DLGAP1: variants seen among roughly 807,000 people sequenced by gnomAD.
The protein encoded by DLGAP1 is DLG associated protein 1.
Under a neutral mutation model 90.8 loss-of-function variants are expected in DLGAP1, and 11 were observed. The observed-to-expected ratio is 0.12, with a 90% confidence interval of 0.08 to 0.20. DLGAP1 has a LOEUF of 0.20. Among genes scored for constraint, DLGAP1 ranks in the 10% least tolerant of loss-of-function variants. DLGAP1 has a pLI of 1.00. For synonymous variants in DLGAP1, 558 were observed against 540.7 expected (o/e 1.03, Z -0.44); for missense variants, 1,050 against 1,333.8 (o/e 0.79, Z 3.31).
chr18:3,798,493 C>T (rs1265499464), intron 5 of DLGAP1, among the ~76,000 whole-genome samples: 1 of 152,136 alleles, frequency 6.6e-6, no homozygotes. Flanking sequence ...AAAACACAGT[C>T]CAGGGCCGAC....
intron 1 of DLGAP1, among the ~76,000 whole-genome samples, chr18:4,271,100 T>G (rs2145355424): frequency 6.6e-6 from 1 of 152,286 alleles, no homozygotes; most frequent in South Asian, 2.1e-4. Flanking sequence ...GGGAGTATTC[T>G]TGACTTAGAA....
rs140926011 is a variant in DLGAP1, at chr18:4,253,142, C to T, written c.-266-101855G>A. ...AGTAGCAAAGAATCATTCACTCCCT[C>T]AGTAAAGTCACATAAAGGAAAGAAT... On this transcript the variant is annotated intron_variant, in intron 1 of 12. Coordinates refer to ENST00000315677, the MANE Select transcript of DLGAP1 (RefSeq NM_004746.4). Among the ~76,000 whole-genome samples, 7 of 152,248 alleles carry T rather than the reference C, an allele frequency of 4.6e-5. No homozygotes were observed. In the East Asian group the frequency reaches 1.2e-3, roughly 25 times the overall value.
chr18:4,111,267 T>A (rs538450248), intron 2 of DLGAP1, among the ~76,000 whole-genome samples: 1 of 152,280 alleles, frequency 6.6e-6, no homozygotes, highest in East Asian at 1.9e-4. Flanking sequence ...TCCCATTAGG[T>A]CAAGGTGAAT....
intron 1 of DLGAP1, among the ~76,000 whole-genome samples, chr18:4,439,456 GGT>G (rs1408465030): frequency 6.6e-6 from 1 of 152,080 alleles, no homozygotes; most frequent in African/African-American, 2.4e-5. Context: ...TGCTAAACAG[GGT>G]GCTGAGAAAG....
intron 4 of DLGAP1, among the ~76,000 whole-genome samples, chr18:3,830,946 A>G (rs530085145): frequency 7.4e-4 from 112 of 152,338 alleles, no homozygotes; most frequent in African/African-American, 2.6e-3. Context: ...GGTTGTACCT[A>G]TTTTATTCAA....
At chr18:3,911,914 G>T (rs887345943) in intron 3 of DLGAP1, among the ~76,000 whole-genome samples, 3 of 152,190 alleles carry the variant, frequency 2.0e-5, no homozygotes, top group African/African-American at 7.2e-5. Flanking sequence ...ATGGCAGTTG[G>T]TTATCAAAGT....
rs2081583360 is a variant in DLGAP1 at position 4,359,203 on chromosome 18, C to A, written c.-267+95803G>T. On this transcript the variant is annotated intron_variant, in intron 1 of 12. Transcript: ENST00000315677. The stretch of plus-strand genomic sequence containing the variant: ...GGACATGCTACCGTAAAATATGGCA[C>A]CTCGGTATTTGAAAACAATGCAGAA... 2.0e-5 allele frequency among the ~76,000 whole-genome samples: 3 copies of A among 152,112 alleles called. No individual in the cohort carries two copies. In the South Asian group the frequency reaches 6.2e-4, roughly 32 times the overall value.
At chr18:3,590,597 G>A (rs113866775) in intron 7 of DLGAP1, among the ~76,000 whole-genome samples, 5,665 of 152,210 alleles carry the variant, frequency 0.037, 361 homozygotes, top group African/African-American at 0.13. Context: ...GCCCACACCT[G>A]TAATCCCAGC....
At chr18:4,119,478 C>G (rs1315180403) in intron 2 of DLGAP1, among the ~76,000 whole-genome samples, 2 of 152,196 alleles carry the variant, frequency 1.3e-5, no homozygotes, top group African/African-American at 4.8e-5. Context: ...TCAGATCGAT[C>G]TGCATTTGAA....
intron 1 of DLGAP1, among the ~76,000 whole-genome samples, chr18:4,366,596 A>G (rs2081773102): frequency 6.6e-6 from 1 of 152,048 alleles, no homozygotes; most frequent in African/African-American, 2.4e-5. Context: ...AAAAAGTCTG[A>G]AAAGAATCCT....
At chr18:3,745,814 A>G (rs936797269) in intron 5 of DLGAP1, among the ~76,000 whole-genome samples, 1 of 152,010 alleles carries the variant, frequency 6.6e-6, no homozygotes, top group African/African-American at 2.4e-5. Flanking sequence ...TTCAGCCTCC[A>G]GAGCAGCTGG....
At chr18:4,207,045 T>C (rs979054453) in intron 1 of DLGAP1, among the ~76,000 whole-genome samples, 3 of 152,110 alleles carry the variant, frequency 2.0e-5, no homozygotes, top group Non-Finnish European at 4.4e-5. Flanking sequence ...TTGCAGATGG[T>C]GGGTAAGCAC....
intron 2 of DLGAP1, among the ~76,000 whole-genome samples, chr18:4,144,440 C>A (rs371848110): frequency 6.6e-6 from 1 of 152,174 alleles, no homozygotes; most frequent in Non-Finnish European, 1.5e-5. Context: ...CTCCCTCCCC[C>A]CAGGCACACC....
intron 1 of DLGAP1, among the ~76,000 whole-genome samples, chr18:4,202,652 G>C (rs2077629754): frequency 6.6e-6 from 1 of 152,002 alleles, no homozygotes; most frequent in African/African-American, 2.4e-5. Context: ...TTAATGAAAA[G>C]TAAAAGATGC....
intron 8 of DLGAP1, among the ~76,000 whole-genome samples, chr18:3,567,794 C>G (rs1278070676): frequency 6.6e-6 from 1 of 152,174 alleles, no homozygotes; most frequent in East Asian, 1.9e-4. Flanking sequence ...CTCAAGGTAG[C>G]TGATAAATGT....
chr18:3,881,969 A>T (rs985173281), intron 3 of DLGAP1, among the ~76,000 whole-genome samples: 2 of 152,242 alleles, frequency 1.3e-5, no homozygotes, highest in African/African-American at 4.8e-5. Flanking sequence ...GGCACCTCGT[A>T]TCTTTAGGAT....
chr18:4,318,982 G>A (rs1784732), intron 1 of DLGAP1, among the ~76,000 whole-genome samples: 66,524 of 151,982 alleles, frequency 0.44, 17,222 homozygotes, highest in Non-Finnish European at 0.57. Flanking sequence ...ATGTTGCTAT[G>A]AGAATGGATT....
chr18:3,537,940 T>C (rs1242783347), intron 9 of DLGAP1, among the ~76,000 whole-genome samples: 1 of 152,182 alleles, frequency 6.6e-6, no homozygotes, highest in Admixed American at 6.5e-5. Flanking sequence ...CCTTAAACAA[T>C]AGTGCACTAA....
rs182966771 is a variant in DLGAP1, at chr18:3,512,568, T to C, written c.2480-3907A>G. 1.0e-3 allele frequency among the ~76,000 whole-genome samples: 153 copies of C among 152,344 alleles called. 1 individual carries two copies. The highest frequency in any genetic ancestry group is 1.0e-4 in the Non-Finnish European group (7 of 68,030). Reference sequence around the variant, plus strand: ...ATCACATAAAGTCAGGAGGAACTTTTGGGAGGCCTTTGTGAACATGTGTTT... The same window carrying C: ...ATCACATAAAGTCAGGAGGAACTTTCGGGAGGCCTTTGTGAACATGTGTTT... On this transcript the variant is annotated intron_variant, in intron 10 of 12. Transcript: ENST00000315677.
Sources: gnomAD v4.1 joint callset for allele counts (sites outside exome capture counted in the v4.1 genomes callset) on GRCh38, gnomAD v4.1.1 for gene constraint, MANE v1.5 for transcripts, NCBI Gene and HGNC (gene_info 2026-07-23, HGNC 2026-07-21) for gene names.